The following RNF185 variants were observed in gnomAD, a reference collection of about 807,000 sequenced individuals.
RNF185 encodes the protein ring finger protein 185, also known as E3 ubiquitin-protein ligase RNF185.
A neutral mutation model predicts 24.9 loss-of-function variants in RNF185; 13 were observed. The observed-to-expected ratio is 0.52, with a 90% CI of 0.34 to 0.83. RNF185 has a LOEUF of 0.83. Among genes scored for constraint, RNF185 ranks in the 40% least tolerant of loss-of-function variants. The pLI is 0.01. For synonymous variants in RNF185, 79 were observed against 90.3 expected, an observed-to-expected ratio of 0.88 and a Z score of 0.71; for missense variants, 184 against 244.7, an observed-to-expected ratio of 0.75 and a Z score of 1.65.
intron 1 of RNF185, among the ~76,000 whole-genome samples, chr22:31,166,397 T>C (rs193180187): frequency 2.9e-3 from 438 of 152,278 alleles, no homozygotes; most frequent in African/African-American, 0.01. Context: ...AGTTGCTATA[T>C]TTCCTTCTTG....
intron 1 of RNF185, among the ~76,000 whole-genome samples, chr22:31,179,356 A>AT (rs1200652690): frequency 1.3e-5 from 2 of 152,190 alleles, no homozygotes; most frequent in Non-Finnish European, 2.9e-5. Context: ...GAAGCTGCTG[A>AT]TTTCTGCCAT....
At chr22:31,164,539 A>G (rs1923785592) in intron 1 of RNF185, among the ~76,000 whole-genome samples, 1 of 150,724 alleles carries the variant, frequency 6.6e-6, no homozygotes, top group African/African-American at 2.4e-5. Context: ...TTAGTTGTCA[A>G]GTCTCCCTGG....
At chr22:31,171,795 A>C (rs4645077) in intron 1 of RNF185, among the ~76,000 whole-genome samples, 12,925 of 150,970 alleles carry the variant, frequency 0.086, 837 homozygotes, top group East Asian at 0.4. Context: ...ATGGAGAAAC[A>C]CCATCTCTAC....
chr22:31,181,785 A>G (rs2147939152), intron 1 of RNF185, among the ~76,000 whole-genome samples: 1 of 151,120 alleles, frequency 6.6e-6, no homozygotes, highest in Admixed American at 6.6e-5. Flanking sequence ...GTTCTCACTC[A>G]TAGGTGGGAA....
At chr22:31,174,246 A>G (rs1025402712) in intron 1 of RNF185, among the ~76,000 whole-genome samples, 4 of 152,236 alleles carry the variant, frequency 2.6e-5, no homozygotes, top group Non-Finnish European at 5.9e-5. Flanking sequence ...CTCAGCCATC[A>G]CATTCCTCTG....
chr22:31,176,977 A>G (rs5997898), intron 1 of RNF185, among the ~76,000 whole-genome samples: 13 of 151,938 alleles, frequency 8.6e-5, no homozygotes, highest in African/African-American at 3.1e-4. Context: ...TTGGAAGGTT[A>G]GGCAGATCTG....
intron 6 of RNF185, among the ~76,000 whole-genome samples, chr22:31,203,762 G>C (rs762689627): frequency 1.3e-5 from 2 of 152,218 alleles, no homozygotes; most frequent in Non-Finnish European, 2.9e-5. Flanking sequence ...TTGGCTGGGC[G>C]CGATGGCTCA....
intron 5 of RNF185, among the ~76,000 whole-genome samples, chr22:31,200,647 T>C (rs2048252615): frequency 6.6e-6 from 1 of 152,194 alleles, no homozygotes; most frequent in South Asian, 2.1e-4. Flanking sequence ...AACATGCACA[T>C]GGAAAGAAAA....
intron 1 of RNF185, among the ~76,000 whole-genome samples, chr22:31,161,203 AAGAATCGTC>A (rs1923554351): frequency 1.3e-5 from 2 of 152,270 alleles, no homozygotes; most frequent in African/African-American, 2.4e-5. Flanking sequence ...ACTTAAATGG[AAGAATCGTC>A]AGAGGTGACC....
chr22:31,187,150 G>T lies in RNF185; in HGVS notation c.56G>T (p.Gly19Val). The T allele has an allele frequency of 1.2e-6, 2 of 1,613,712 alleles. No individual in the cohort carries two copies. The highest frequency in any genetic ancestry group is 1.7e-6 in the Non-Finnish European group (2 of 1,179,802). ...SASPENSSAG[G>V]PSGSSNGAGE... ...TCTCCTGAGAACTCCAGTGCAGGGGGGCCCAGTGGGAGCAGCAATGGCGCT... is the reference window on the plus strand; with the variant it reads ...TCTCCTGAGAACTCCAGTGCAGGGGTGCCCAGTGGGAGCAGCAATGGCGCT... The change falls in exon 2 of 7, where the codon GGG becomes GTG. Residue 19 changes from glycine (G) to valine (V), a missense_variant. By Grantham distance (109) the Gly-to-Val change is moderately radical. Transcript: ENST00000326132.
intron 5 of RNF185, among the ~76,000 whole-genome samples, chr22:31,198,689 G>A (rs1265175150): frequency 2.8e-5 from 4 of 141,336 alleles, no homozygotes; most frequent in South Asian, 2.3e-4. Flanking sequence ...GTGAGCCACC[G>A]CGCACTGCCA....
Position 31,187,112 on chromosome 22 carries a change from C to T in RNF185, c.18C>T (p.Pro6=). ...AGCCAAGGATGGCAAGCAAGGGGCC[C>T]TCGGCCTCTGCATCTCCTGAGAACT... The part of the protein sequence containing the change: MASKG[P]SASASPENSS... The change falls in exon 2 of 7, where the codon CCC becomes CCT. Residue 6 remains proline, a synonymous_variant. Transcript: ENST00000326132. 1 of 1,608,138 alleles carries T rather than the reference C, an allele frequency of 6.2e-7. No homozygotes were observed.
At chr22:31,189,135 A>G (rs866494575) in intron 2 of RNF185, among the ~76,000 whole-genome samples, 3 of 136,872 alleles carry the variant, frequency 2.2e-5, no homozygotes, top group Admixed American at 7.5e-5. Flanking sequence ...CAAAAAAAAA[A>G]TGTGTGTGTG....
intron 1 of RNF185, among the ~76,000 whole-genome samples, chr22:31,182,686 T>C (rs1222692497): frequency 6.6e-6 from 1 of 152,084 alleles, no homozygotes; most frequent in Non-Finnish European, 1.5e-5. Flanking sequence ...GTTGGTTTGT[T>C]TGAATCTTGT....
Position 31,206,894 on chromosome 22 carries a change from A to G in RNF185, c.*2308A>G, listed in dbSNP as rs1276660785. 6 of 152,400 alleles carry G rather than the reference A, an allele frequency of 3.9e-5. No individual in the cohort carries two copies. In the East Asian group the frequency reaches 1.2e-3, roughly 29 times the overall value. 9.4% of individuals were successfully genotyped at this position (152,400 alleles called of 1,614,324 possible). On this transcript the variant is annotated 3_prime_UTR_variant, in exon 7 of 7. Coordinates refer to ENST00000326132, the MANE Select transcript of RNF185 (RefSeq NM_152267.4). ...CCTCCTGCCACCCTTGTGGACTAGG[A>G]CCAGGTCCTGACCCCAGTCAGAAAA...
intron 4 of RNF185, among the ~76,000 whole-genome samples, chr22:31,196,721 G>A (rs2048208942): frequency 6.6e-6 from 1 of 152,208 alleles, no homozygotes; most frequent in Non-Finnish European, 1.5e-5. Context: ...ATCTCATAAC[G>A]AGTTGATTTT....
At chr22:31,165,739 A>G (rs558920180) in intron 1 of RNF185, among the ~76,000 whole-genome samples, 1 of 152,138 alleles carries the variant, frequency 6.6e-6, no homozygotes, top group African/African-American at 2.4e-5. Flanking sequence ...GTCATCCAAG[A>G]TATGATAAGA....
At chr22:31,168,063 ACT>A (rs1924043803) in intron 1 of RNF185, among the ~76,000 whole-genome samples, 1 of 151,378 alleles carries the variant, frequency 6.6e-6, no homozygotes, top group South Asian at 2.1e-4. Flanking sequence ...CAAAAGTGAA[ACT>A]CTGTGTCTAT....
At chr22:31,171,198 A>G (rs1344697209) in intron 1 of RNF185, among the ~76,000 whole-genome samples, 1 of 52,480 alleles carries the variant, frequency 1.9e-5, no homozygotes, top group African/African-American at 1.1e-4. Flanking sequence ...TTTTTGAGAC[A>G]GAGTTTTGTT....
Sources: allele counts gnomAD v4.1 joint callset (sites outside exome capture counted in the v4.1 genomes callset), GRCh38; gene constraint gnomAD v4.1.1; transcripts MANE v1.5; gene names NCBI Gene and HGNC (gene_info 2026-07-23, HGNC 2026-07-21).